Variants in ESYT3 observed in about 807,000 individuals in gnomAD.
The protein encoded by ESYT3 is extended synaptotagmin-3.
A neutral mutation model predicts 111.5 loss-of-function variants in ESYT3; 101 were observed. The observed-to-expected ratio is 0.91, with a 90% CI of 0.77 to 1.07. The LOEUF is 1.07. Ranked by LOEUF, ESYT3 falls within the 50% of genes least tolerant of loss-of-function variation. The pLI is 0.00. For synonymous variants in ESYT3, 416 were observed against 446.8 expected (o/e 0.93, Z 0.87); for missense variants, 1,097 against 1,109.4 (o/e 0.99, Z 0.16).
chr3:138,472,959 T>G lies in ESYT3; in HGVS notation c.2237+100T>G. On this transcript the variant is annotated intron_variant, in intron 18 of 22. Transcript: ENST00000389567. ...TGAACTTACATTTCTGTGCAAGTTG[T>G]TTTTTCACAAAATATCTTCCTAAGA... The G allele has an allele frequency of 2.0e-6, 3 of 1,517,452 alleles. No homozygotes were observed. In the Admixed American group the frequency reaches 6.5e-5, roughly 33 times the overall value. 94.0% of individuals were successfully genotyped at this position (1,517,452 alleles called of 1,614,324 possible). A position where few individuals can be genotyped will look rare whatever the true frequency, so the allele number is the denominator to read the frequency against.
Position 138,455,211 on chromosome 3 carries a change from G to A in ESYT3, c.387G>A (p.Trp129Ter). Reference protein sequence around the residue: ...EWANKIISQTWPYLSMIMESK... With the variant: ...EWANKIISQT ...CTTCACAGATCATCTCTCAGACCTGGCCCTACCTAAGCATGATCATGGAAA... is the reference window on the plus strand; with the variant it reads ...CTTCACAGATCATCTCTCAGACCTGACCCTACCTAAGCATGATCATGGAAA... Residue 129 changes from tryptophan to a stop codon, truncating the protein, a stop_gained, in exon 3 of 23, where the codon TGG (tryptophan) becomes TGA (stop). Transcript: ENST00000389567. LOFTEE classifies it high-confidence loss of function. 1 of 1,614,150 alleles carries A rather than the reference G, an allele frequency of 6.2e-7. No homozygotes were observed. Among genetic ancestry groups the A allele is most frequent in the Non-Finnish European group, 8.5e-7 (1 of 1,180,032 alleles).
intron 15 of ESYT3, 114 bp from the exon 16 acceptor site, chr3:138,469,946 G>A: frequency 1.3e-6 from 1 of 780,290 alleles, no homozygotes. Context: ...TGATCCCAGG[G>A]CATATAGGTA....
At chr3:138,436,265 G>C (rs1003214889) in intron 1 of ESYT3, among the ~76,000 whole-genome samples, 6 of 152,164 alleles carry the variant, frequency 3.9e-5, no homozygotes, top group African/African-American at 1.4e-4. Flanking sequence ...GGTGTTGGCA[G>C]GGTTGGTTTC....
In ESYT3 at chr3:138,472,633, A is replaced by C; in HGVS notation, c.2011A>C (p.Ser671Arg). 6.2e-7 allele frequency: 1 copy of C among 1,614,270 alleles called. No individual in the cohort carries two copies. Among genetic ancestry groups the C allele is most frequent in the Non-Finnish European group, 8.5e-7 (1 of 1,180,052 alleles). ...AGGCCCAGAGCCTAAAGGCAAGGAC[A>C]GTGCCAAAAGGTTCTGTGAGCCCAT... Reference protein sequence around the residue: ...ETGPEPKGKDSAKRFCEPIGE... With the variant: ...ETGPEPKGKDRAKRFCEPIGE... Residue 671 changes from serine to arginine, a missense_variant, in exon 18 of 23, where the codon AGT becomes CGT. Ser to Arg is a moderately radical substitution (Grantham distance 110). Transcript: ENST00000389567.
At chr3:138,473,115 C>T (rs2033317803) in intron 18 of ESYT3, 4 of 1,385,626 alleles carry the variant, frequency 2.9e-6, no homozygotes, top group African/African-American at 1.5e-5. Context: ...TCCAGCAGAA[C>T]CATTGAGTTA....
At chr3:138,476,352 T>C (rs776426242) in intron 21 of ESYT3, 24 bp downstream of exon 21, 4 of 1,600,010 alleles carry the variant, frequency 2.5e-6, no homozygotes, top group Admixed American at 3.3e-5. Context: ...ATATTTGATA[T>C]ACCAAGGAGA....
At position 138,470,301 on chromosome 3, in the gene ESYT3, A is replaced by G. The variant is rs2033154164; in HGVS notation, c.1590+155A>G. ...GGACACTGAGGCCCCACAAGGCCTCATCTCCTTAAGGCTAGTGCCTGAGGT... is the reference window on the plus strand; with the variant it reads ...GGACACTGAGGCCCCACAAGGCCTCGTCTCCTTAAGGCTAGTGCCTGAGGT... On this transcript the variant is annotated intron_variant, in intron 16 of 22. Transcript: ENST00000389567. The G allele has an allele frequency of 4.4e-6, 6 of 1,367,208 alleles. No individual in the cohort carries two copies. The South Asian group carries it at 7.4e-5, about 17-fold the overall frequency. The allele number at this position is 1,367,208 out of a possible 1,614,324, so 84.7% of individuals were successfully genotyped here.
At chr3:138,472,971 A>G in intron 18 of ESYT3, 112 bp downstream of exon 18, 2 of 1,515,438 alleles carry the variant, frequency 1.3e-6, no homozygotes, top group Non-Finnish European at 1.8e-6. Flanking sequence ...TTTTCACAAA[A>G]TATCTTCCTA....
chr3:138,457,331 G>C (rs1208629151), intron 3 of ESYT3, among the ~76,000 whole-genome samples: 7 of 152,180 alleles, frequency 4.6e-5, no homozygotes, highest in Non-Finnish European at 7.3e-5. Flanking sequence ...CAACAGGCCT[G>C]GCCTCAGGGC....
rs4678420 is a variant in ESYT3, at chr3:138,467,018, G to C, written c.1170-543G>C. 9.2e-3 allele frequency among the ~76,000 whole-genome samples: 1,405 copies of C among 152,104 alleles called. 23 individuals carry two copies. The highest frequency in any genetic ancestry group is 0.033 in the African/African-American group (1,360 of 41,482). On this transcript the variant is annotated intron_variant, in intron 10 of 22. Transcript: ENST00000389567. Reference sequence around the variant, plus strand: ...TCACTAGGCCCCGCCCACCTTTAACGTATGGGGATCACATTTCAACATGAG... The same window carrying C: ...TCACTAGGCCCCGCCCACCTTTAACCTATGGGGATCACATTTCAACATGAG...
chr3:138,470,441 A>G (rs1046196587), intron 16 of ESYT3: 15 of 1,123,808 alleles, frequency 1.3e-5, no homozygotes, highest in African/African-American at 1.6e-5. Context: ...CAGGACATTA[A>G]TAATGGTGTA....
rs537781210 is a variant in ESYT3 at position 138,456,832 on chromosome 3, G to C, written c.505-736G>C. Among the ~76,000 whole-genome samples the C allele has an allele frequency of 5.3e-5, 8 of 152,276 alleles. No individual in the cohort carries two copies. The South Asian group carries it at 1.7e-3, about 32-fold the overall frequency. On this transcript the variant is annotated intron_variant, in intron 3 of 22. Transcript: ENST00000389567. Reference sequence around the variant, plus strand: ...AAAAGATTGGGGACCGTTGGTCTATGGGATGTAGCACTGCTGGCAAGCAAT... The same window carrying C: ...AAAAGATTGGGGACCGTTGGTCTATCGGATGTAGCACTGCTGGCAAGCAAT...
At chr3:138,445,491 C>T (rs750177078) in intron 1 of ESYT3, among the ~76,000 whole-genome samples, 7 of 152,224 alleles carry the variant, frequency 4.6e-5, no homozygotes, top group Non-Finnish European at 7.3e-5. Context: ...AGGGAAACAC[C>T]AACCGTGTTC....
At chr3:138,467,139 G>A (rs941686321) in intron 10 of ESYT3, among the ~76,000 whole-genome samples, 2 of 152,130 alleles carry the variant, frequency 1.3e-5, no homozygotes, top group Non-Finnish European at 2.9e-5. Context: ...GGGGCATTTG[G>A]GGTTATTGAC....
At chr3:138,462,379 GGTGT>G in intron 8 of ESYT3, 173 bp downstream of exon 8, 1 of 877,866 alleles carries the variant, frequency 1.1e-6, no homozygotes, top group Non-Finnish European at 1.7e-6. Flanking sequence ...TTGTCCTTGG[GGTGT>G]ATCCCACTTG....
Position 138,434,927 on chromosome 3 carries a change from GTT to G in ESYT3, c.130_131del (p.Phe44LeufsTer47), listed in dbSNP as rs2108585080. The G allele has an allele frequency of 1.3e-6, 2 of 1,552,148 alleles. No individual in the cohort carries two copies. Among genetic ancestry groups the G allele is most frequent in the South Asian group, 1.2e-5 (1 of 84,096 alleles). ...ELCTFVVRVL[F>X]YLGPVYLAGY... ...TCTGTACCTTCGTGGTGCGCGTGCT[GTT>G]CTACCTGGGGCCTGTCTACCTAGCT... On this transcript the variant is annotated frameshift_variant, in exon 1 of 23. Coordinates refer to ENST00000389567, the MANE Select transcript of ESYT3 (RefSeq NM_031913.5). LOFTEE classifies it high-confidence loss of function.
chr3:138,453,331 G>T (rs977740042), intron 2 of ESYT3, among the ~76,000 whole-genome samples: 1 of 152,204 alleles, frequency 6.6e-6, no homozygotes, highest in African/African-American at 2.4e-5. Context: ...CTTCATCTTG[G>T]ATGGGGAGAC....
rs1010291383 is a variant in ESYT3 at position 138,479,439 on chromosome 3, G to A, written c.*2585G>A. 6.6e-6 allele frequency: 1 copy of A among 152,202 alleles called. No homozygotes were observed. Among genetic ancestry groups the A allele is most frequent in the African/African-American group, 2.4e-5 (1 of 41,442 alleles). 9.4% of individuals were successfully genotyped at this position (152,202 alleles called of 1,614,324 possible). ...AGATACTCATCTTAAAAATATAACTGTGTCAGTCACTAATTCATTACCTCT... is the reference window on the plus strand; with the variant it reads ...AGATACTCATCTTAAAAATATAACTATGTCAGTCACTAATTCATTACCTCT... On this transcript the variant is annotated 3_prime_UTR_variant, in exon 23 of 23. Transcript: ENST00000389567.
In ESYT3 at chr3:138,477,681, C is replaced by A. The variant is rs538187777; in HGVS notation, c.*827C>A. On this transcript the variant is annotated 3_prime_UTR_variant, in exon 23 of 23. Transcript: ENST00000389567. ...TTTCAGATAAGTTTAGGCTATTCAA[C>A]TTTTCTAAAGAGATGGTTGGTTCAC... The A allele has an allele frequency of 6.6e-6, 1 of 152,308 alleles. No individual in the cohort carries two copies. Among genetic ancestry groups the A allele is most frequent in the Non-Finnish European group, 1.5e-5 (1 of 68,034 alleles). The allele number at this position is 152,308 out of a possible 1,614,324, so 9.4% of individuals were successfully genotyped here. A position where few individuals can be genotyped will look rare whatever the true frequency, so the allele number is the denominator to read the frequency against.
Sources: allele counts gnomAD v4.1 joint callset (sites outside exome capture counted in the v4.1 genomes callset), GRCh38; gene constraint gnomAD v4.1.1; transcripts MANE v1.5; gene names NCBI Gene and HGNC (gene_info 2026-07-23, HGNC 2026-07-21).